Variants in MAU2 observed in about 807,000 individuals in gnomAD.
MAU2 encodes the protein MAU2 chromatid cohesion factor homolog.
A neutral mutation model predicts 89.1 loss-of-function variants in MAU2; 9 were observed. That is an observed-to-expected ratio of 0.10 (90% CI 0.06 to 0.18). The LOEUF (loss-of-function observed/expected upper bound fraction) is 0.18, where lower values mean the gene tolerates loss of function less well. Among genes scored for constraint, MAU2 ranks in the 10% least tolerant of loss-of-function variants. MAU2 has a pLI of 1.00. For missense variants in MAU2, 425 were observed against 803.5 expected (o/e 0.53, Z 5.69); for synonymous variants, 357 against 343.4 (o/e 1.04, Z -0.44).
intron 3 of MAU2, 76 bp downstream of exon 3, chr19:19,336,263 G>A: frequency 1.8e-6 from 2 of 1,138,550 alleles, no homozygotes; most frequent in Non-Finnish European, 2.6e-6. Context: ...TTGGTAAATT[G>A]GGGTTCCGGG....
At position 19,340,861 on chromosome 19, in the gene MAU2, C is replaced by T; in HGVS notation, c.567C>T (p.Leu189=). 1 of 1,613,522 alleles carries T rather than the reference C, an allele frequency of 6.2e-7. No individual in the cohort carries two copies. Among genetic ancestry groups the T allele is most frequent in the African/African-American group, 1.3e-5 (1 of 75,000 alleles). The part of the protein sequence containing the change: ...GSEYTRALFL[L]SKGMLLLMER... ...TGTTTTGCAGGGCGCTGTTCCTCCT[C>T]AGCAAGGGGATGGTAAGTTGAGGCT... is the stretch of plus-strand genomic sequence containing the variant. The change falls in exon 6 of 19, where the codon CTC becomes CTT. Residue 189 remains leucine, a synonymous_variant. Coordinates refer to ENST00000262815, the MANE Select transcript of MAU2 (RefSeq NM_015329.4).
At chr19:19,329,848 T>G (rs1269422718) in intron 1 of MAU2, among the ~76,000 whole-genome samples, 3 of 151,866 alleles carry the variant, frequency 2.0e-5, no homozygotes, top group African/African-American at 7.3e-5. Context: ...CCCAGCTACT[T>G]GGGAGGCTGA....
rs1450897332 is a variant in MAU2, at chr19:19,354,358, A to G, written c.1552A>G (p.Ser518Gly). The change falls in exon 17 of 19, where the codon AGT becomes GGT. Residue 518 changes from serine to glycine, a missense_variant. This residue lies in a region of MAU2 where 33 missense variants were observed against 94.1 expected (regional missense o/e 0.35). Transcript: ENST00000262815. ...CCTTGCTGCTCTTGGTTGACAGGAG[A>G]GTAACAACATGGTGGTGCCTGCCAT... ...IFYVLGNHRE[S>G]NNMVVPAMQL... is the part of the protein sequence containing the mutation. The G allele has an allele frequency of 6.2e-7, 1 of 1,613,386 alleles. No individual in the cohort carries two copies. Among genetic ancestry groups the G allele is most frequent in the African/African-American group, 1.3e-5 (1 of 74,856 alleles).
intron 1 of MAU2, chr19:19,321,704 A>G (rs2061458879): frequency 6.6e-6 from 1 of 152,192 alleles, no homozygotes; most frequent in Non-Finnish European, 1.5e-5. Flanking sequence ...CCCCATCAAT[A>G]ATGCCTGGTG....
intron 1 of MAU2, chr19:19,321,683 G>C (rs377693891): frequency 1.3e-5 from 2 of 152,436 alleles, no homozygotes; most frequent in Non-Finnish European, 2.9e-5. Flanking sequence ...GGTTTTTGGA[G>C]GGTCTTGTGC....
chr19:19,343,763 T>G (rs1599915578), intron 9 of MAU2, 74 bp from the exon 10 acceptor site: 5 of 1,103,570 alleles, frequency 4.5e-6, no homozygotes, highest in African/African-American at 1.5e-5. Context: ...AGGAACGAGG[T>G]GGGGGCACGG....
At position 19,356,191 on chromosome 19, in the gene MAU2, G is replaced by T. The variant is rs546510927; in HGVS notation, c.*409G>T. On this transcript the variant is annotated 3_prime_UTR_variant, in exon 19 of 19. Transcript: ENST00000262815. The stretch of plus-strand genomic sequence containing the variant: ...TCACCCAGGCCTTGATGCCGAGCGG[G>T]AGTAGAGTGTTTCCTCTGCTCAAGG... 22 of 381,914 alleles carry T rather than the reference G, an allele frequency of 5.8e-5. No homozygotes were observed. Among genetic ancestry groups the T allele is most frequent in the Non-Finnish European group, 1.0e-4 (20 of 193,280 alleles). The allele number at this position is 381,914 out of a possible 1,614,324, so 23.7% of individuals were successfully genotyped here.
chr19:19,342,063 G>A (rs1445191665), intron 7 of MAU2, among the ~76,000 whole-genome samples: 2 of 152,182 alleles, frequency 1.3e-5, no homozygotes, highest in African/African-American at 4.8e-5. Context: ...GGCGCATAGG[G>A]ACACAGAGCA....
At position 19,358,501 on chromosome 19, in the gene MAU2, T is replaced by C. The variant is rs921312438; in HGVS notation, c.*2719T>C. ...AGCCCAGCATGGTGGCTCAATTGGT[T>C]GGTTGCGTTGTCAGTTGTCTCTTCG... is the stretch of plus-strand genomic sequence containing the variant. On this transcript the variant is annotated 3_prime_UTR_variant, in exon 19 of 19. Coordinates refer to ENST00000262815, the MANE Select transcript of MAU2 (RefSeq NM_015329.4). 5.3e-5 allele frequency: 8 copies of C among 152,220 alleles called. No individual in the cohort carries two copies. Among genetic ancestry groups the C allele is most frequent in the Admixed American group, 3.3e-4 (5 of 15,270 alleles). 9.4% of individuals were successfully genotyped at this position (152,220 alleles called of 1,614,324 possible). A position where few individuals can be genotyped will look rare whatever the true frequency, so the allele number is the denominator to read the frequency against.
At chr19:19,327,144 T>C (rs1485010441) in intron 1 of MAU2, among the ~76,000 whole-genome samples, 2 of 140,760 alleles carry the variant, frequency 1.4e-5, no homozygotes. Flanking sequence ...TTTTTTTAGA[T>C]GGACTCTCAC....
intron 16 of MAU2, chr19:19,352,155 G>A (rs1700123154): frequency 6.6e-6 from 1 of 150,826 alleles, no homozygotes; most frequent in Admixed American, 6.6e-5. Context: ...TTTTATATTT[G>A]CCTTTCTCCA....
intron 16 of MAU2, chr19:19,354,131 G>T: frequency 1.7e-6 from 1 of 580,248 alleles, no homozygotes; most frequent in Non-Finnish European, 3.1e-6. Flanking sequence ...CCCTGTGAGG[G>T]CATGAGCCAG....
intron 1 of MAU2, among the ~76,000 whole-genome samples, chr19:19,329,960 T>A (rs961910190): frequency 8.3e-5 from 12 of 144,392 alleles, no homozygotes; most frequent in South Asian, 6.3e-4. Context: ...TTTTTAATTA[T>A]TTATTTATTT....
At chr19:19,333,321 C>CA (rs1568653793) in intron 1 of MAU2, among the ~76,000 whole-genome samples, 2 of 151,970 alleles carry the variant, frequency 1.3e-5, no homozygotes. Context: ...CCCATCTCTA[C>CA]AAAAAATAAA....
rs201378778 is a variant in MAU2 at position 19,350,899 on chromosome 19, C to CA, written c.1548+1478dup. Among the ~76,000 whole-genome samples, 347 of 136,724 alleles carry CA rather than the reference C, an allele frequency of 2.5e-3. 2 individuals carry two copies. The highest frequency in any genetic ancestry group is 3.7e-3 in the Middle Eastern group (1 of 268). 89.7% of individuals were successfully genotyped at this position (136,724 alleles called of 152,430 possible). On this transcript the variant is annotated intron_variant, in intron 16 of 18. Transcript: ENST00000262815. Reference sequence around the variant, plus strand: ...TGGGCAACACAGCAAGACTCCATCTCAAAAAAAAAAAAAAAGATATTTTTG... The same window carrying CA: ...TGGGCAACACAGCAAGACTCCATCTCAAAAAAAAAAAAAAAAGATATTTTTG...
chr19:19,336,569 C>T (rs780280921), intron 3 of MAU2, among the ~76,000 whole-genome samples: 2 of 152,228 alleles, frequency 1.3e-5, no homozygotes, highest in Non-Finnish European at 2.9e-5. Flanking sequence ...CCACTGTGCC[C>T]AGCCCGGTGG....
chr19:19,329,747 G>T (rs1410402946), intron 1 of MAU2, among the ~76,000 whole-genome samples: 18 of 151,822 alleles, frequency 1.2e-4, no homozygotes, highest in Non-Finnish European at 1.3e-4. Flanking sequence ...GCTAAGGCGG[G>T]AGGAGTTTGA....
At chr19:19,325,443 TG>T (rs1483809206) in intron 1 of MAU2, among the ~76,000 whole-genome samples, 1 of 151,786 alleles carries the variant, frequency 6.6e-6, no homozygotes, top group African/African-American at 2.4e-5. Context: ...CCCAAAGTGC[TG>T]GGATTACAGG....
chr19:19,344,620 C>T, intron 10 of MAU2: 2 of 579,746 alleles, frequency 3.4e-6, no homozygotes, highest in Non-Finnish European at 6.2e-6. Context: ...ACAACCCAGA[C>T]ACCTGTTGGA....
Sources: allele counts gnomAD v4.1 joint callset (sites outside exome capture counted in the v4.1 genomes callset), GRCh38; gene constraint gnomAD v4.1.1; regional missense constraint gnomAD v4.1.1; transcripts MANE v1.5; gene names NCBI Gene and HGNC (gene_info 2026-07-23, HGNC 2026-07-21).